MEIG1: variants seen among roughly 807,000 people sequenced by gnomAD.
The protein encoded by MEIG1 is meiosis/spermiogenesis associated 1, also known as meiosis expressed gene 1 protein homolog.
MEIG1 carries 12 observed loss-of-function variants against 11.3 expected under a neutral mutation model. The observed-to-expected ratio is 1.07, with a 90% CI of 0.68 to 1.73. The LOEUF (loss-of-function observed/expected upper bound fraction) is 1.73. Among genes scored for constraint, MEIG1 ranks in the 40% most tolerant of loss-of-function variants. MEIG1 has a pLI of 0.00. For synonymous variants in MEIG1, 41 were observed against 33.2 expected (o/e 1.24, Z -0.81); for missense variants, 119 against 104.9 (o/e 1.13, Z -0.59).
chr10:14,984,246 A>T (rs28460810), intron 1 of MEIG1, among the ~76,000 whole-genome samples: 3 of 23,996 alleles, frequency 1.3e-4, no homozygotes, highest in Admixed American at 2.6e-4. Context: ...CGTAATATCC[A>T]GGGTGGGAGA....
At chr10:14,956,077 A>C (rs1842944956), upstream of MEIG1, among the ~76,000 whole-genome samples, 1 of 152,340 alleles carries the variant, frequency 6.6e-6, no homozygotes, top group Admixed American at 6.5e-5. Flanking sequence ...TCCTCTTTCC[A>C]CAATGGATAC....
At chr10:14,973,985 A>G (rs1461187884), downstream of MEIG1, among the ~76,000 whole-genome samples, 1 of 152,132 alleles carries the variant, frequency 6.6e-6, no homozygotes, top group Non-Finnish European at 1.5e-5. Flanking sequence ...TCGGGATCAA[A>G]GGGAGTATAC....
chr10:14,970,895 T>C (rs1402930909), intron 2 of MEIG1, among the ~76,000 whole-genome samples: 2 of 152,170 alleles, frequency 1.3e-5, no homozygotes, highest in African/African-American at 4.8e-5. Context: ...GGATTTGGTT[T>C]TCTACAACCT....
At chr10:14,957,442 G>A (rs1487291245), upstream of MEIG1, among the ~76,000 whole-genome samples, 2 of 152,178 alleles carry the variant, frequency 1.3e-5, no homozygotes, top group Admixed American at 6.5e-5. Context: ...AGCACCTACT[G>A]TGTGCTAGGC....
chr10:14,955,631 G>A (rs759447625), upstream of MEIG1, among the ~76,000 whole-genome samples: 3 of 152,212 alleles, frequency 2.0e-5, no homozygotes, highest in Non-Finnish European at 2.9e-5. Flanking sequence ...CTGGGAGGCG[G>A]AGGTTGCAGT....
intron 2 of MEIG1, among the ~76,000 whole-genome samples, chr10:14,968,424 G>T (rs1256777906): frequency 6.6e-6 from 1 of 152,084 alleles, no homozygotes; most frequent in Non-Finnish European, 1.5e-5. Context: ...GGAGGCAGAG[G>T]TTGCAGTTAG....
chr10:14,964,220 C>T (rs76632173), intron 1 of MEIG1, among the ~76,000 whole-genome samples: 3,070 of 152,024 alleles, frequency 0.02, 105 homozygotes, highest in African/African-American at 0.07. Context: ...AGAAAAGAGT[C>T]CATTGGTACT....
chr10:14,974,394 C>G (rs561657380), downstream of MEIG1, among the ~76,000 whole-genome samples: 375 of 152,212 alleles, frequency 2.5e-3, 1 homozygote, highest in African/African-American at 8.6e-3. Flanking sequence ...TGTGGCTTTT[C>G]GGTAGAGGGC....
intron 1 of MEIG1, among the ~76,000 whole-genome samples, chr10:14,966,146 C>T (rs988021813): frequency 6.7e-6 from 1 of 149,272 alleles, no homozygotes; most frequent in East Asian, 2.0e-4. Flanking sequence ...TCACTGCAAC[C>T]TCCACCTCCT....
chr10:14,957,695 G>A (rs985900456), upstream of MEIG1, among the ~76,000 whole-genome samples: 1 of 152,088 alleles, frequency 6.6e-6, no homozygotes, highest in Non-Finnish European at 1.5e-5. Context: ...GTGCAGTGAC[G>A]CAATCTCGGC....
chr10:14,977,910 A>G (rs1219160823), intron 1 of MEIG1, among the ~76,000 whole-genome samples: 1 of 151,912 alleles, frequency 6.6e-6, no homozygotes, highest in Non-Finnish European at 1.5e-5. Context: ...TCCTAGAAAG[A>G]TGTTGCTGCT....
chr10:14,969,447 C>CAA lies in MEIG1; in HGVS notation c.138+2853_138+2854dup, dbSNP rs60562557. Among the ~76,000 whole-genome samples, 647 of 115,172 alleles carry CAA rather than the reference C, an allele frequency of 5.6e-3. 2 individuals are homozygous for CAA. The highest frequency in any genetic ancestry group is 6.6e-3 in the Non-Finnish European group (347 of 52,542). The allele number at this position is 115,172 out of a possible 152,430, so 75.6% of individuals were successfully genotyped here. On this transcript the variant is annotated intron_variant, in intron 2 of 2. Transcript: ENST00000407572. Reference sequence around the variant, plus strand: ...TGGGTGAGAGAGCAAGACCCTGTCTCAAAAAAAAAAAAAGAAAAAAGGAAA... The same window carrying CAA: ...TGGGTGAGAGAGCAAGACCCTGTCTCAAAAAAAAAAAAAAAGAAAAAAGGAAA...
At chr10:14,978,011 C>T (rs1843229045) in intron 1 of MEIG1, among the ~76,000 whole-genome samples, 1 of 151,648 alleles carries the variant, frequency 6.6e-6, no homozygotes, top group African/African-American at 2.4e-5. Flanking sequence ...ACACCCTGTT[C>T]TATTATTGTA....
chr10:14,970,016 G>A (rs1174812391), intron 2 of MEIG1, among the ~76,000 whole-genome samples: 1 of 152,192 alleles, frequency 6.6e-6, no homozygotes, highest in African/African-American at 2.4e-5. Context: ...CTTCCTTCCA[G>A]GGACAATCCC....
intron 1 of MEIG1, among the ~76,000 whole-genome samples, chr10:14,984,975 C>T (rs1352181123): frequency 1.3e-5 from 2 of 152,110 alleles, no homozygotes; most frequent in Non-Finnish European, 2.9e-5. Flanking sequence ...AATATCCTAG[C>T]GGGAGTTCAC....
At chr10:14,963,216 C>A (rs749641869) in intron 1 of MEIG1, among the ~76,000 whole-genome samples, 3 of 152,056 alleles carry the variant, frequency 2.0e-5, no homozygotes, top group Non-Finnish European at 4.4e-5. Context: ...CCTACCTCAG[C>A]CTCCTGATTA....
At chr10:14,955,300 T>C (rs532945318), upstream of MEIG1, among the ~76,000 whole-genome samples, 14 of 152,172 alleles carry the variant, frequency 9.2e-5, no homozygotes, top group Non-Finnish European at 1.9e-4. Context: ...TCAATCTATC[T>C]GGCGACAACA....
downstream of MEIG1, among the ~76,000 whole-genome samples, chr10:14,975,502 G>C (rs1196862340): frequency 6.6e-6 from 1 of 151,770 alleles, no homozygotes; most frequent in Non-Finnish European, 1.5e-5. Context: ...GTACAAACCC[G>C]TGTACTATTG....
intron 1 of MEIG1, among the ~76,000 whole-genome samples, chr10:14,965,700 G>T (rs779773548): frequency 0.076 from 8,153 of 107,952 alleles, 291 homozygotes; most frequent in Non-Finnish European, 0.11. Flanking sequence ...GAGAGAGAGA[G>T]AGAGAGAGAG....
Sources: gnomAD v4.1 joint callset for allele counts (sites outside exome capture counted in the v4.1 genomes callset) on GRCh38, gnomAD v4.1.1 for gene constraint, MANE v1.5 for transcripts, NCBI Gene and HGNC (gene_info 2026-07-23, HGNC 2026-07-21) for gene names.